The following CAMK2G variants were observed in gnomAD, a reference collection of about 807,000 sequenced individuals.
CAMK2G encodes calcium/calmodulin dependent protein kinase II gamma.
Under a neutral mutation model 88.7 loss-of-function variants are expected in CAMK2G, and 23 were observed. That is an observed-to-expected ratio of 0.26 (90% CI 0.19 to 0.37). CAMK2G has a LOEUF of 0.37. Ranked by LOEUF, CAMK2G falls within the 10% of genes least tolerant of loss-of-function variation. CAMK2G has a pLI of 1.00. For synonymous variants in CAMK2G, 263 were observed against 294.8 expected (o/e 0.89, Z 1.11); for missense variants, 476 against 780.8 (o/e 0.61, Z 4.65).
In CAMK2G at chr10:73,839,459, A is replaced by C. The variant is rs1188902239; in HGVS notation, c.1009+80T>G. 3 of 767,302 alleles carry C rather than the reference A, an allele frequency of 3.9e-6. No individual in the cohort carries two copies. The highest frequency in any genetic ancestry group is 5.3e-6 in the Non-Finnish European group (3 of 563,316). 47.5% of individuals were successfully genotyped at this position (767,302 alleles called of 1,614,324 possible). ...AAGCATGGGACTCGCCTCCCTGGTG[A>C]GTGGGCCCGGCATGCTGGCCCTCCT... On this transcript the variant is annotated intron_variant, in intron 13 of 22. Coordinates refer to ENST00000423381, the MANE Select transcript of CAMK2G (RefSeq NM_001367534.1). The surrounding 1 kb of genome is among the most constrained non-coding windows in gnomAD (Gnocchi z 4.2).
intron 17 of CAMK2G, among the ~76,000 whole-genome samples, chr10:73,822,169 AGAGTTT>A (rs963897435): frequency 2.0e-5 from 3 of 151,952 alleles, no homozygotes; most frequent in African/African-American, 7.3e-5. Context: ...CCTCCTCCCT[AGAGTTT>A]TTCTTTTTTG....
intron 2 of CAMK2G, among the ~76,000 whole-genome samples, chr10:73,863,028 A>T (rs2095446543): frequency 6.6e-6 from 1 of 152,356 alleles, no homozygotes; most frequent in African/African-American, 2.4e-5. Flanking sequence ...CAAACTCAGG[A>T]CTGTCAGTGT....
intron 17 of CAMK2G, 97 bp from the exon 18 acceptor site, chr10:73,821,827 T>C: frequency 1.0e-6 from 1 of 960,852 alleles, no homozygotes; most frequent in Non-Finnish European, 1.6e-6. Context: ...CTACAAGAGG[T>C]GCAAGGAGGA....
rs2094399353 is a variant in CAMK2G, at chr10:73,848,415, A to G, written c.601+111T>C. 5 of 756,962 alleles carry G rather than the reference A, an allele frequency of 6.6e-6. No individual in the cohort carries two copies. The South Asian group carries it at 7.4e-5, about 11-fold the overall frequency. The allele number at this position is 756,962 out of a possible 1,614,324, so 46.9% of individuals were successfully genotyped here. ...CCAGGGGCAAACACCATAATTTCACATACACCAGGCACGTGTGTGACCTGC... is the reference window on the plus strand; with the variant it reads ...CCAGGGGCAAACACCATAATTTCACGTACACCAGGCACGTGTGTGACCTGC... On this transcript the variant is annotated intron_variant, in intron 8 of 22. Transcript: ENST00000423381. The surrounding 1 kb of genome is among the most constrained non-coding windows in gnomAD (Gnocchi z 4.5).
chr10:73,843,262 C>T (rs2093953338), intron 10 of CAMK2G, among the ~76,000 whole-genome samples: 1 of 152,064 alleles, frequency 6.6e-6, no homozygotes, highest in Non-Finnish European at 1.5e-5. Context: ...CAGGGTTGGC[C>T]ATGTTGGCCA....
rs1234520702 is a variant in CAMK2G at position 73,874,379 on chromosome 10, G to A, written c.65+18C>T. ...CGGGCGGCAGGGCAGGCAGGGGACCGCGGCGGGCGGGCCGTACTTGCCAAG... is the reference window on the plus strand; with the variant it reads ...CGGGCGGCAGGGCAGGCAGGGGACCACGGCGGGCGGGCCGTACTTGCCAAG... On this transcript the variant is annotated intron_variant, in intron 1 of 22. Transcript: ENST00000423381. The A allele has an allele frequency of 6.1e-6, 9 of 1,474,268 alleles. No homozygotes were observed. The highest frequency in any genetic ancestry group is 3.9e-5 in the South Asian group (3 of 76,298). 91.3% of individuals were successfully genotyped at this position (1,474,268 alleles called of 1,614,324 possible).
chr10:73,815,622 T>C (rs532337315), intron 21 of CAMK2G, among the ~76,000 whole-genome samples: 15 of 152,336 alleles, frequency 9.8e-5, no homozygotes, highest in African/African-American at 3.6e-4. Context: ...CTCAGGACCA[T>C]GTGACTCTTA....
chr10:73,838,135 C>T (rs976665453), intron 13 of CAMK2G, among the ~76,000 whole-genome samples: 20 of 152,182 alleles, frequency 1.3e-4, no homozygotes, highest in East Asian at 7.7e-4. Flanking sequence ...AGGAAGGACT[C>T]GGCAGAATAA....
chr10:73,830,042 A>G (rs1303404284), intron 14 of CAMK2G, among the ~76,000 whole-genome samples: 8 of 152,312 alleles, frequency 5.3e-5, no homozygotes, highest in Admixed American at 5.2e-4. Context: ...CAGGATCTTG[A>G]CTTAAAGCAG....
intron 2 of CAMK2G, among the ~76,000 whole-genome samples, chr10:73,870,912 T>C (rs1387177677): frequency 2.0e-5 from 3 of 152,124 alleles, no homozygotes; most frequent in East Asian, 3.9e-4. Flanking sequence ...ACACCTATAG[T>C]CCAGCCCCAC....
chr10:73,842,342 C>A lies in CAMK2G; in HGVS notation c.903+116G>T. On this transcript the variant is annotated intron_variant, in intron 11 of 22. Transcript: ENST00000423381. The surrounding 1 kb of genome is among the most constrained non-coding windows in gnomAD (Gnocchi z 4.6). ...TGGGCCCCCTCCCCTGTGACATGTA[C>A]AACCTTCAGAGCCCAGCTCCAGCCA... is the stretch of plus-strand genomic sequence containing the variant. The A allele has an allele frequency of 8.7e-7, 1 of 1,151,080 alleles. No individual in the cohort carries two copies. The highest frequency in any genetic ancestry group is 1.3e-6 in the Non-Finnish European group (1 of 759,952). The allele number at this position is 1,151,080 out of a possible 1,614,324, so 71.3% of individuals were successfully genotyped here. A position where few individuals can be genotyped will look rare whatever the true frequency, so the allele number is the denominator to read the frequency against.
chr10:73,863,003 G>A (rs1320357577), intron 2 of CAMK2G, among the ~76,000 whole-genome samples: 2 of 152,360 alleles, frequency 1.3e-5, no homozygotes, highest in African/African-American at 4.8e-5. Context: ...GCAGGAAAGG[G>A]ATAAAAGGGG....
At chr10:73,845,627 C>T (rs1458481317) in intron 10 of CAMK2G, among the ~76,000 whole-genome samples, 1 of 151,886 alleles carries the variant, frequency 6.6e-6, no homozygotes, top group Non-Finnish European at 1.5e-5. Flanking sequence ...CAAACAAGCT[C>T]CTCCTCTGGT....
At chr10:73,819,170 C>T (rs1310645239) in intron 19 of CAMK2G, among the ~76,000 whole-genome samples, 1 of 152,130 alleles carries the variant, frequency 6.6e-6, no homozygotes, top group Non-Finnish European at 1.5e-5. Flanking sequence ...CAGTTCCTCG[C>T]TGTCACGATT....
chr10:73,872,192 T>C (rs2095856363), intron 2 of CAMK2G, among the ~76,000 whole-genome samples: 1 of 152,140 alleles, frequency 6.6e-6, no homozygotes, highest in African/African-American at 2.4e-5. Flanking sequence ...CAATAGGAAG[T>C]TCAGAGAGTG....
At chr10:73,853,329 C>T in intron 3 of CAMK2G, 83 bp from the exon 4 acceptor site, 1 of 1,262,980 alleles carries the variant, frequency 7.9e-7, no homozygotes, top group Non-Finnish European at 1.1e-6. Context: ...CCCACCCCTG[C>T]CCCATCCTGT....
At chr10:73,856,352 C>T (rs537072818) in intron 3 of CAMK2G, among the ~76,000 whole-genome samples, 1 of 152,310 alleles carries the variant, frequency 6.6e-6, no homozygotes, top group East Asian at 1.9e-4. Flanking sequence ...TTGGGAGTCA[C>T]CTTCTCAAAT....
At chr10:73,818,770 C>T (rs1027476322) in intron 19 of CAMK2G, 2 of 456,258 alleles carry the variant, frequency 4.4e-6, no homozygotes, top group South Asian at 3.1e-5. Context: ...TCTCCAACCC[C>T]ACCAGACCCA....
rs1378861628 is a variant in CAMK2G at position 73,842,985 on chromosome 10, AC to A, written c.820-445del. Among the ~76,000 whole-genome samples the A allele has an allele frequency of 6.7e-6, 1 of 150,350 alleles. No individual in the cohort carries two copies. The highest frequency in any genetic ancestry group is 1.9e-4 in the East Asian group (1 of 5,140). On this transcript the variant is annotated intron_variant, in intron 10 of 22. Coordinates refer to ENST00000423381, the MANE Select transcript of CAMK2G (RefSeq NM_001367534.1). The surrounding 1 kb of genome is among the most constrained non-coding windows in gnomAD (Gnocchi z 4.6). ...TCCTTCCAAGAGCCCCTCTCCACAC[AC>A]CCCCAGCAAGGTCCTGAATGAAGCC...
Sources: gnomAD v4.1 joint callset for allele counts (sites outside exome capture counted in the v4.1 genomes callset) on GRCh38, gnomAD v4.1.1 for gene constraint, Gnocchi (gnomAD v3.1) non-coding constraint, MANE v1.5 for transcripts, NCBI Gene and HGNC (gene_info 2026-07-23, HGNC 2026-07-21) for gene names.